PARD3B: variants seen among roughly 807,000 people sequenced by gnomAD.
PARD3B encodes the protein partitioning defective 3 homolog B.
A neutral mutation model predicts 130.2 loss-of-function variants in PARD3B; 103 were observed. The ratio of observed to expected loss-of-function variants is 0.79; its 90% CI spans 0.67 to 0.93. The LOEUF (loss-of-function observed/expected upper bound fraction) is 0.93. Ranked by LOEUF, PARD3B falls within the 40% of genes least tolerant of loss-of-function variation. The probability of loss-of-function intolerance (pLI) is 0.00; values close to 1 mark genes in which losing one functional copy is unlikely to be tolerated. For synonymous variants in PARD3B, 583 were observed against 553.2 expected (o/e 1.05, Z -0.76); for missense variants, 1,609 against 1,499.2 (o/e 1.07, Z -1.21).
chr2:205,343,412 G>A (rs1484076317), intron 18 of PARD3B, among the ~76,000 whole-genome samples: 2 of 152,154 alleles, frequency 1.3e-5, no homozygotes, highest in East Asian at 3.9e-4. Context: ...TCATGGTCCT[G>A]ATGTGATTGA....
chr2:204,664,326 A>G lies in PARD3B; in HGVS notation c.121-21855A>G, dbSNP rs1336602378. Among the ~76,000 whole-genome samples, 1 of 152,188 alleles carries G rather than the reference A, an allele frequency of 6.6e-6. No homozygotes were observed. Among genetic ancestry groups the G allele is most frequent in the Non-Finnish European group, 1.5e-5 (1 of 68,038 alleles). On this transcript the variant is annotated intron_variant, in intron 1 of 22. Transcript: ENST00000406610. The surrounding 1 kb of genome is among the most constrained non-coding windows in gnomAD (Gnocchi z 5.2). Reference sequence around the variant, plus strand: ...TTGTTTTTCAAGTAATGGAGAAACCATATATTATTTTCATCTGGGAGTGTC... The same window carrying G: ...TTGTTTTTCAAGTAATGGAGAAACCGTATATTATTTTCATCTGGGAGTGTC...
intron 2 of PARD3B, among the ~76,000 whole-genome samples, chr2:204,813,284 G>A (rs752417241): frequency 3.3e-5 from 5 of 152,168 alleles, no homozygotes; most frequent in East Asian, 1.9e-4. Flanking sequence ...TAATAATAAC[G>A]TTGAGCCTCT....
chr2:204,627,086 T>A (rs754986704), intron 1 of PARD3B, among the ~76,000 whole-genome samples: 14 of 152,158 alleles, frequency 9.2e-5, no homozygotes, highest in Non-Finnish European at 2.1e-4. Context: ...TCACTGGTCG[T>A]CTTCTCTCTT....
intron 3 of PARD3B, among the ~76,000 whole-genome samples, chr2:204,999,801 A>C (rs1473675255): frequency 6.6e-6 from 1 of 152,306 alleles, no homozygotes; most frequent in African/African-American, 2.4e-5. Context: ...TTAGGAAGCA[A>C]GTGGTACCTG....
At chr2:205,131,205 A>G (rs1184084290) in intron 10 of PARD3B, among the ~76,000 whole-genome samples, 2 of 152,192 alleles carry the variant, frequency 1.3e-5, no homozygotes, top group African/African-American at 4.8e-5. Context: ...TTATTTGTGG[A>G]TAAGTAGCAG....
rs368280041 is a variant in PARD3B at position 204,668,398 on chromosome 2, A to T, written c.121-17783A>T. ...TCTAGATTTTCCATCTCTGTTTCATACCTCTGTTGTCTCATGGACTGTTTA... is the reference window on the plus strand; with the variant it reads ...TCTAGATTTTCCATCTCTGTTTCATTCCTCTGTTGTCTCATGGACTGTTTA... On this transcript the variant is annotated intron_variant, in intron 1 of 22. Transcript: ENST00000406610. 4.5e-4 allele frequency among the ~76,000 whole-genome samples: 68 copies of T among 152,270 alleles called. 1 individual carries two copies. The South Asian group carries it at 0.014, about 31-fold the overall frequency.
intron 3 of PARD3B, among the ~76,000 whole-genome samples, chr2:205,032,616 C>G (rs1484325896): frequency 6.6e-6 from 1 of 152,110 alleles, no homozygotes; most frequent in Non-Finnish European, 1.5e-5. Flanking sequence ...CTGGATTGAG[C>G]TTTATTTGAT....
intron 2 of PARD3B, among the ~76,000 whole-genome samples, chr2:204,691,037 C>T (rs902483477): frequency 3.3e-5 from 5 of 152,124 alleles, no homozygotes; most frequent in African/African-American, 1.2e-4. Context: ...AGACAAACAG[C>T]CTTGTTCACT....
At chr2:205,601,046 T>C (rs561273391) in intron 22 of PARD3B, among the ~76,000 whole-genome samples, 1 of 152,298 alleles carries the variant, frequency 6.6e-6, no homozygotes, top group Admixed American at 6.5e-5. Flanking sequence ...GGTCAAATGG[T>C]ATTTCTGGTT....
At chr2:205,454,381 G>A (rs2048202111) in intron 20 of PARD3B, among the ~76,000 whole-genome samples, 1 of 152,132 alleles carries the variant, frequency 6.6e-6, no homozygotes, top group African/African-American at 2.4e-5. Flanking sequence ...TCAGTGGGAT[G>A]AAAAAGGGCC....
At chr2:204,832,446 C>T (rs1218481252) in intron 2 of PARD3B, among the ~76,000 whole-genome samples, 1 of 152,082 alleles carries the variant, frequency 6.6e-6, no homozygotes, top group Non-Finnish European at 1.5e-5. Context: ...ATGGTGTATA[C>T]CTTCTCGGTC....
intron 2 of PARD3B, among the ~76,000 whole-genome samples, chr2:204,897,856 CTATT>C (rs1214927184): frequency 6.7e-6 from 1 of 150,012 alleles, no homozygotes; most frequent in Non-Finnish European, 1.5e-5. Flanking sequence ...GAACAAAAGA[CTATT>C]AATAAACCTT....
rs901783788 is a variant in PARD3B, at chr2:204,685,470, A to G, written c.121-711A>G. Among the ~76,000 whole-genome samples, 4 of 152,216 alleles carry G rather than the reference A, an allele frequency of 2.6e-5. No individual in the cohort carries two copies. In the South Asian group the frequency reaches 8.3e-4, roughly 31 times the overall value. On this transcript the variant is annotated intron_variant, in intron 1 of 22. Coordinates refer to ENST00000406610, the MANE Select transcript of PARD3B (RefSeq NM_001302769.2). ...AATGAGCTAGATTATTTAATTCTAA[A>G]TTCTAGAATCAGAGTAAGCGGTTTT...
At chr2:205,188,717 A>G (rs2036228737) in intron 14 of PARD3B, among the ~76,000 whole-genome samples, 1 of 147,878 alleles carries the variant, frequency 6.8e-6, no homozygotes, top group Non-Finnish European at 1.5e-5. Flanking sequence ...GAAACTTGGG[A>G]TGGAGGAAGG....
At chr2:205,369,742 G>A (rs140948183) in intron 18 of PARD3B, among the ~76,000 whole-genome samples, 2 of 152,198 alleles carry the variant, frequency 1.3e-5, no homozygotes, top group East Asian at 3.9e-4. Flanking sequence ...TTGTTTGTAT[G>A]ACTTTTTCCA....
At chr2:205,059,815 G>A (rs928504660) in intron 4 of PARD3B, among the ~76,000 whole-genome samples, 3 of 152,146 alleles carry the variant, frequency 2.0e-5, no homozygotes, top group African/African-American at 7.2e-5. Context: ...TTCTACTTCT[G>A]CTAGCGAGTA....
In PARD3B at chr2:205,518,623, T is replaced by C. The variant is rs142351865; in HGVS notation, c.3180+18592T>C. ...ATGTGTGGATTTGATCCTGTCATCA[T>C]GTTTTAGCTGGTTATTATGTTGGCT... is the stretch of plus-strand genomic sequence containing the variant. On this transcript the variant is annotated intron_variant, in intron 21 of 22. Coordinates refer to ENST00000406610, the MANE Select transcript of PARD3B (RefSeq NM_001302769.2). Among the ~76,000 whole-genome samples the C allele has an allele frequency of 9.5e-4, 144 of 152,300 alleles. 1 individual carries two copies. Among genetic ancestry groups the C allele is most frequent in the Middle Eastern group, 3.4e-3 (1 of 294 alleles).
At chr2:205,359,420 A>G (rs2044309393) in intron 18 of PARD3B, among the ~76,000 whole-genome samples, 1 of 152,184 alleles carries the variant, frequency 6.6e-6, no homozygotes, top group Non-Finnish European at 1.5e-5. Flanking sequence ...GAGTCATACC[A>G]TAAGCTTTCC....
intron 3 of PARD3B, among the ~76,000 whole-genome samples, chr2:205,022,133 A>G (rs1171080550): frequency 1.3e-5 from 2 of 152,210 alleles, no homozygotes; most frequent in African/African-American, 2.4e-5. Flanking sequence ...TATATTTTAA[A>G]TGTTATATTA....
Sources: gnomAD v4.1 joint callset for allele counts (sites outside exome capture counted in the v4.1 genomes callset) on GRCh38, gnomAD v4.1.1 for gene constraint, Gnocchi (gnomAD v3.1) non-coding constraint, MANE v1.5 for transcripts, NCBI Gene and HGNC (gene_info 2026-07-23, HGNC 2026-07-21) for gene names.